The following KCNIP4 variants were observed in gnomAD, a reference collection of about 807,000 sequenced individuals.
The protein encoded by KCNIP4 is Kv channel-interacting protein 4.
A neutral mutation model predicts 34.0 loss-of-function variants in KCNIP4; 12 were observed. The ratio of observed to expected loss-of-function variants is 0.35; its 90% CI spans 0.23 to 0.57. The LOEUF is 0.57. Ranked by LOEUF, KCNIP4 falls within the 20% of genes least tolerant of loss-of-function variation. The pLI is 0.83. For missense variants in KCNIP4, 238 were observed against 311.7 expected (o/e 0.76, Z 1.78); for synonymous variants, 124 against 102.2 (o/e 1.21, Z -1.29).
intron 1 of KCNIP4, among the ~76,000 whole-genome samples, chr4:21,184,087 A>C (rs1213852463): frequency 6.6e-6 from 1 of 152,168 alleles, no homozygotes; most frequent in Non-Finnish European, 1.5e-5. Flanking sequence ...AATAAACTCC[A>C]GAGTCAGCTT....
intron 1 of KCNIP4, among the ~76,000 whole-genome samples, chr4:21,058,467 G>A (rs1743620500): frequency 6.6e-6 from 1 of 152,114 alleles, no homozygotes; most frequent in Admixed American, 6.6e-5. Context: ...CTGCCTCAGT[G>A]AGTATTACTT....
chr4:21,824,912 G>A (rs1264617396), intron 1 of KCNIP4, among the ~76,000 whole-genome samples: 1 of 152,098 alleles, frequency 6.6e-6, no homozygotes, highest in Non-Finnish European at 1.5e-5. Context: ...CTGCTAGTGA[G>A]GCCCAGAGAC....
intron 1 of KCNIP4, among the ~76,000 whole-genome samples, chr4:21,322,429 C>T (rs1714596887): frequency 6.6e-6 from 1 of 152,114 alleles, no homozygotes; most frequent in South Asian, 2.1e-4. Flanking sequence ...GCACAGGCTA[C>T]CTGCCAACTT....
At chr4:20,909,203 C>T (rs969707844) in intron 1 of KCNIP4, among the ~76,000 whole-genome samples, 1 of 152,140 alleles carries the variant, frequency 6.6e-6, no homozygotes, top group Non-Finnish European at 1.5e-5. Context: ...TGGTGGTTGC[C>T]TTTGGAATGC....
chr4:20,757,335 C>G (rs1363752502), intron 4 of KCNIP4, among the ~76,000 whole-genome samples: 1 of 152,170 alleles, frequency 6.6e-6, no homozygotes, highest in African/African-American at 2.4e-5. Context: ...AGTCTCCCTG[C>G]CTGCAGTATT....
intron 1 of KCNIP4, among the ~76,000 whole-genome samples, chr4:21,532,312 GGT>G (rs1736753219): frequency 6.8e-6 from 1 of 147,132 alleles, no homozygotes; most frequent in South Asian, 2.3e-4. Context: ...TAAGATATTA[GGT>G]GTGTTTTCAT....
chr4:21,788,883 GACA>G lies in KCNIP4; in HGVS notation c.61+159685_61+159687del, dbSNP rs1335780021. ...AGGTCAGGAGATCAAGACCATCCTG[GACA>G]ACAAGGTGAAACCTCGTCTCTACTA... On this transcript the variant is annotated intron_variant, in intron 1 of 8. Transcript: ENST00000382152. Among the ~76,000 whole-genome samples the G allele has an allele frequency of 3.9e-5, 6 of 151,978 alleles. No homozygotes were observed. In the East Asian group the frequency reaches 1.2e-3, roughly 29 times the overall value.
chr4:20,992,573 C>G (rs1223560417), intron 1 of KCNIP4, among the ~76,000 whole-genome samples: 2 of 152,076 alleles, frequency 1.3e-5, no homozygotes, highest in Non-Finnish European at 1.5e-5. Context: ...CTCCTGTCTC[C>G]CTCCCTTTCT....
At chr4:21,345,674 G>T (rs981757728) in intron 1 of KCNIP4, among the ~76,000 whole-genome samples, 1 of 152,124 alleles carries the variant, frequency 6.6e-6, no homozygotes, top group African/African-American at 2.4e-5. Context: ...CCTGTCAAAA[G>T]CTGGCCTCCT....
At position 21,446,408 on chromosome 4, in the gene KCNIP4, A is replaced by G. The variant is rs572328739; in HGVS notation, c.61+502163T>C. On this transcript the variant is annotated intron_variant, in intron 1 of 8. Transcript: ENST00000382152. ...AAAAATGATAGACTGGATTAAGAAA[A>G]TGTGGCACATATACACCATGGAATA... 3.4e-3 allele frequency among the ~76,000 whole-genome samples: 517 copies of G among 152,188 alleles called. 3 individuals carry two copies. Among genetic ancestry groups the G allele is most frequent in the African/African-American group, 0.012 (491 of 41,508 alleles).
At chr4:21,210,749 T>C (rs964315035) in intron 1 of KCNIP4, among the ~76,000 whole-genome samples, 1 of 152,174 alleles carries the variant, frequency 6.6e-6, no homozygotes, top group Non-Finnish European at 1.5e-5. Context: ...TGAAGACAGA[T>C]CCTATTTTCT....
intron 1 of KCNIP4, among the ~76,000 whole-genome samples, chr4:21,925,240 C>T (rs1311083320): frequency 1.4e-5 from 2 of 141,606 alleles, no homozygotes; most frequent in Admixed American, 7.1e-5. Context: ...CCCCTCCCCC[C>T]ACCCCACAAC....
At chr4:21,940,262 G>T (rs1237431314) in intron 1 of KCNIP4, among the ~76,000 whole-genome samples, 1 of 152,024 alleles carries the variant, frequency 6.6e-6, no homozygotes, top group Admixed American at 6.6e-5. Flanking sequence ...AACAAACACA[G>T]AACTTCAAGC....
intron 1 of KCNIP4, among the ~76,000 whole-genome samples, chr4:21,519,855 A>G (rs566866707): frequency 7.6e-6 from 1 of 132,112 alleles, no homozygotes; most frequent in South Asian, 2.2e-4. Flanking sequence ...ATATATTTAT[A>G]TATTTATTTA....
At chr4:21,869,878 C>A (rs1725671258) in intron 1 of KCNIP4, among the ~76,000 whole-genome samples, 1 of 152,070 alleles carries the variant, frequency 6.6e-6, no homozygotes, top group Admixed American at 6.6e-5. Context: ...AGCCTGATGC[C>A]TGGCTTAGGC....
At chr4:21,732,383 T>C (rs114075522) in intron 1 of KCNIP4, among the ~76,000 whole-genome samples, 252 of 152,292 alleles carry the variant, frequency 1.7e-3, no homozygotes, top group African/African-American at 5.1e-3. Context: ...TCTCCTTAAT[T>C]ACTAAGTTCA....
intron 1 of KCNIP4, among the ~76,000 whole-genome samples, chr4:21,009,824 A>T (rs879505976): frequency 2.6e-5 from 4 of 152,166 alleles, no homozygotes; most frequent in Non-Finnish European, 4.4e-5. Context: ...CACAGGGAAA[A>T]ATTCCGTTCA....
At chr4:21,617,559 A>T (rs1744693069) in intron 1 of KCNIP4, among the ~76,000 whole-genome samples, 2 of 152,158 alleles carry the variant, frequency 1.3e-5, no homozygotes, top group African/African-American at 4.8e-5. Flanking sequence ...TCATAAACAA[A>T]TTATAGAATA....
At chr4:21,119,723 G>A (rs1749992057) in intron 1 of KCNIP4, among the ~76,000 whole-genome samples, 1 of 149,018 alleles carries the variant, frequency 6.7e-6, no homozygotes, top group Admixed American at 6.7e-5. Context: ...TAGTAAGACA[G>A]TTTTTTTTTT....
Sources: allele counts gnomAD v4.1 joint callset (sites outside exome capture counted in the v4.1 genomes callset), GRCh38; gene constraint gnomAD v4.1.1; transcripts MANE v1.5; gene names NCBI Gene and HGNC (gene_info 2026-07-23, HGNC 2026-07-21).